The following SGMS2 variants were observed in gnomAD, a reference collection of about 807,000 sequenced individuals.
The protein encoded by SGMS2 is phosphatidylcholine:ceramide cholinephosphotransferase 2.
In SGMS2, 21 loss-of-function variants were observed where a neutral mutation model predicts 43.8. That is an observed-to-expected ratio of 0.48 (90% CI 0.34 to 0.69). The LOEUF (loss-of-function observed/expected upper bound fraction) is 0.69. SGMS2 is among the 30% of genes least tolerant of loss of function. SGMS2 has a pLI of 0.01. For missense variants in SGMS2, 384 were observed against 443.2 expected (o/e 0.87, Z 1.20); for synonymous variants, 167 against 160.6 (o/e 1.04, Z -0.30).
chr4:107,835,029 T>C (rs1726094447), intron 1 of SGMS2, among the ~76,000 whole-genome samples: 1 of 152,030 alleles, frequency 6.6e-6, no homozygotes, highest in Non-Finnish European at 1.5e-5. Flanking sequence ...ACCCCATCTC[T>C]AAAAATAAAA....
chr4:107,866,355 C>T (rs563952178), intron 2 of SGMS2, among the ~76,000 whole-genome samples: 1 of 152,176 alleles, frequency 6.6e-6, no homozygotes, highest in East Asian at 1.9e-4. Flanking sequence ...CACCTGAGGT[C>T]AGGAGTTGGA....
At chr4:107,840,020 G>T (rs1003299006) in intron 1 of SGMS2, among the ~76,000 whole-genome samples, 4 of 152,100 alleles carry the variant, frequency 2.6e-5, no homozygotes, top group Admixed American at 6.6e-5. Context: ...GCCAGGTTTG[G>T]ATGTTAAATT....
chr4:107,900,417 G>C (rs1731025288), intron 4 of SGMS2, among the ~76,000 whole-genome samples: 1 of 152,158 alleles, frequency 6.6e-6, no homozygotes, highest in South Asian at 2.1e-4. Flanking sequence ...CTTAGTGGTA[G>C]CAGTGGAAAT....
intron 1 of SGMS2, among the ~76,000 whole-genome samples, chr4:107,832,553 T>G (rs114218345): frequency 2.0e-5 from 3 of 152,224 alleles, no homozygotes; most frequent in African/African-American, 7.2e-5. Flanking sequence ...CTGCAGAGTC[T>G]AATCACTGCA....
intron 2 of SGMS2, among the ~76,000 whole-genome samples, chr4:107,894,852 AT>A (rs1730529268): frequency 5.4e-5 from 1 of 18,604 alleles, no homozygotes; most frequent in African/African-American, 8.1e-5. Context: ...ATTTTGACAA[AT>A]GAAGAGTAAC....
chr4:107,842,189 TAAAG>T (rs148465168), intron 1 of SGMS2, among the ~76,000 whole-genome samples: 2,695 of 152,262 alleles, frequency 0.018, 85 homozygotes, highest in African/African-American at 0.06. Flanking sequence ...TGCATTGCCA[TAAAG>T]AAATACCTGA....
intron 5 of SGMS2, among the ~76,000 whole-genome samples, chr4:107,906,185 C>G (rs903244842): frequency 2.0e-5 from 3 of 152,168 alleles, no homozygotes; most frequent in Non-Finnish European, 4.4e-5. Flanking sequence ...TTAGATGTAT[C>G]ATTTATATAT....
chr4:107,872,533 A>C (rs1045621136), intron 2 of SGMS2, among the ~76,000 whole-genome samples: 3 of 152,102 alleles, frequency 2.0e-5, no homozygotes, highest in Admixed American at 1.3e-4. Context: ...AGCCAAGCAT[A>C]GTATTGTGCA....
chr4:107,848,247 G>A (rs1472469273), intron 1 of SGMS2, among the ~76,000 whole-genome samples: 4 of 152,088 alleles, frequency 2.6e-5, no homozygotes, highest in African/African-American at 9.7e-5. Flanking sequence ...GTTTGAAATA[G>A]CTCATTTCTT....
intron 2 of SGMS2, among the ~76,000 whole-genome samples, chr4:107,876,144 A>G (rs757131572): frequency 6.6e-6 from 1 of 152,206 alleles, no homozygotes; most frequent in Non-Finnish European, 1.5e-5. Context: ...TTTTGTTAGC[A>G]CAGAGCACAA....
At chr4:107,896,383 T>A (rs959570730) in intron 3 of SGMS2, among the ~76,000 whole-genome samples, 8 of 152,136 alleles carry the variant, frequency 5.3e-5, no homozygotes, top group Non-Finnish European at 1.0e-4. Context: ...TCTTGACAAG[T>A]GGGAAAAGGA....
intron 2 of SGMS2, among the ~76,000 whole-genome samples, chr4:107,879,779 CTTAA>C (rs1729205661): frequency 6.6e-6 from 1 of 152,086 alleles, no homozygotes; most frequent in Admixed American, 6.6e-5. Context: ...CCTTAAACAG[CTTAA>C]TTGAGTGATA....
Position 107,891,675 on chromosome 4 carries a change from A to G in SGMS2, c.-244-3635A>G, listed in dbSNP as rs148913736. ...GCTTCCTCAGTGAAATGCAGGTTTT[A>G]TAGATGAGCTTGAGGAGGTGGTGTT... is the stretch of plus-strand genomic sequence containing the variant. On this transcript the variant is annotated intron_variant, in intron 2 of 6. Coordinates refer to ENST00000690982, the MANE Select transcript of SGMS2 (RefSeq NM_001375905.1). Among the ~76,000 whole-genome samples, 375 of 152,284 alleles carry G rather than the reference A, an allele frequency of 2.5e-3. 2 individuals are homozygous for G. Among genetic ancestry groups the G allele is most frequent in the African/African-American group, 8.7e-3 (361 of 41,576 alleles).
chr4:107,845,382 A>G (rs1417154055), intron 1 of SGMS2, among the ~76,000 whole-genome samples: 3 of 152,208 alleles, frequency 2.0e-5, no homozygotes, highest in Non-Finnish European at 4.4e-5. Context: ...TAGTGAAAAC[A>G]GGGTTACTGA....
intron 5 of SGMS2, among the ~76,000 whole-genome samples, chr4:107,903,972 A>G (rs759594584): frequency 6.6e-6 from 1 of 152,226 alleles, no homozygotes; most frequent in East Asian, 1.9e-4. Flanking sequence ...ATGTGGTGGC[A>G]AGAAATAAAA....
intron 1 of SGMS2, among the ~76,000 whole-genome samples, 162 bp downstream of exon 1, chr4:107,825,415 G>C (rs1156714430): frequency 6.6e-6 from 1 of 152,062 alleles, no homozygotes; most frequent in Non-Finnish European, 1.5e-5. Context: ...TGGTCTGGAG[G>C]AGAGATGTGT....
chr4:107,860,982 A>G (rs755077027), intron 2 of SGMS2, among the ~76,000 whole-genome samples: 1 of 152,140 alleles, frequency 6.6e-6, no homozygotes, highest in South Asian at 2.1e-4. Flanking sequence ...TTATCTAAAC[A>G]TTTATCTCCC....
At chr4:107,900,660 AC>A (rs760939374) in intron 4 of SGMS2, among the ~76,000 whole-genome samples, 2 of 152,178 alleles carry the variant, frequency 1.3e-5, no homozygotes, top group Non-Finnish European at 2.9e-5. Context: ...ACTTCAGTGC[AC>A]CCTGGTTTAC....
intron 4 of SGMS2, 119 bp from the exon 5 acceptor site, chr4:107,903,114 T>C: frequency 1.1e-6 from 1 of 928,194 alleles, no homozygotes. Flanking sequence ...TTTGACTTTC[T>C]AGGTTAAAAA....
Sources: gnomAD v4.1 joint callset for allele counts (sites outside exome capture counted in the v4.1 genomes callset) on GRCh38, gnomAD v4.1.1 for gene constraint, MANE v1.5 for transcripts, NCBI Gene and HGNC (gene_info 2026-07-23, HGNC 2026-07-21) for gene names.